The following RNF43 variants were observed in gnomAD, a reference collection of about 807,000 sequenced individuals.
RNF43 encodes E3 ubiquitin-protein ligase RNF43.
RNF43 carries 37 observed loss-of-function variants against 78.4 expected under a neutral mutation model. The observed-to-expected ratio is 0.47, with a 90% confidence interval of 0.36 to 0.62. The LOEUF is 0.62. Ranked by LOEUF, RNF43 falls within the 20% of genes least tolerant of loss-of-function variation. RNF43 has a pLI of 0.00. For synonymous variants in RNF43, 347 were observed against 395.0 expected (o/e 0.88, Z 1.44); for missense variants, 774 against 1,007.9 (o/e 0.77, Z 3.14).
intron 3 of RNF43, among the ~76,000 whole-genome samples, chr17:58,364,417 G>T (rs1972905714): frequency 6.6e-6 from 1 of 152,198 alleles, no homozygotes; most frequent in South Asian, 2.1e-4. Flanking sequence ...TAGCCAACCA[G>T]GCAGAACAGA....
chr17:58,371,108 C>A lies in RNF43; in HGVS notation c.253-75G>T, dbSNP rs1243040231. 2.2e-6 allele frequency: 3 copies of A among 1,387,656 alleles called. No homozygotes were observed. In the South Asian group the frequency reaches 5.2e-5, roughly 24 times the overall value. The allele number at this position is 1,387,656 out of a possible 1,614,324, so 86.0% of individuals were successfully genotyped here. On this transcript the variant is annotated intron_variant, in intron 2 of 9. Transcript: ENST00000407977. ...GAGCTGTGAGAGCCATATACCTCTC[C>A]ATTTTTCTAGGGAGGTACCAGGCAG...
At chr17:58,406,385 A>G (rs1973911405) in intron 2 of RNF43, among the ~76,000 whole-genome samples, 1 of 152,238 alleles carries the variant, frequency 6.6e-6, no homozygotes, top group African/African-American at 2.4e-5. Flanking sequence ...TCTGAGTTCA[A>G]TTCTTCATAT....
At position 58,397,320 on chromosome 17, in the gene RNF43, C is replaced by CAGAA. The variant is rs1340986157; in HGVS notation, c.252+18005_252+18006insTTCT. Among the ~76,000 whole-genome samples the CAGAA allele has an allele frequency of 3.3e-5, 5 of 152,186 alleles. No individual in the cohort carries two copies. The East Asian group carries it at 9.6e-4, about 29-fold the overall frequency. On this transcript the variant is annotated intron_variant, in intron 2 of 9. Coordinates refer to ENST00000407977, the MANE Select transcript of RNF43 (RefSeq NM_017763.6). ...AATTCTACCTAATTCTCAAATACAA[C>CAGAA]TACCAATTATGGAACAGAATATTCT... is the stretch of plus-strand genomic sequence containing the variant.
intron 1 of RNF43, chr17:58,416,772 T>C (rs942808187): frequency 3.3e-5 from 5 of 152,214 alleles, no homozygotes; most frequent in Non-Finnish European, 1.5e-5. Flanking sequence ...CTAGGCACTA[T>C]GAAAATTTGC....
intron 2 of RNF43, among the ~76,000 whole-genome samples, chr17:58,387,912 T>C (rs921553693): frequency 4.6e-5 from 7 of 152,148 alleles, no homozygotes; most frequent in Non-Finnish European, 1.0e-4. Context: ...GGTGGCTTCA[T>C]GGTGCCATAT....
intron 2 of RNF43, among the ~76,000 whole-genome samples, chr17:58,383,247 A>G (rs944034827): frequency 5.3e-5 from 8 of 151,910 alleles, no homozygotes; most frequent in Admixed American, 4.6e-4. Context: ...CCCGTCCTTT[A>G]TTATTTGAAA....
chr17:58,372,445 G>T (rs544120385), intron 2 of RNF43, among the ~76,000 whole-genome samples: 1 of 152,192 alleles, frequency 6.6e-6, no homozygotes, highest in African/African-American at 2.4e-5. Context: ...CAAGAAAAAG[G>T]CTGGGGCATG....
intron 2 of RNF43, among the ~76,000 whole-genome samples, chr17:58,412,988 C>G (rs1974053644): frequency 6.6e-6 from 1 of 152,062 alleles, no homozygotes; most frequent in Non-Finnish European, 1.5e-5. Context: ...TCCAGAATTC[C>G]TCAAAACCGA....
Position 58,371,039 on chromosome 17 carries a change from G to A in RNF43, c.253-6C>T, listed in dbSNP as rs749928841. On this transcript the variant is annotated splice_polypyrimidine_tract_variant and splice_region_variant and intron_variant, in intron 2 of 9. Coordinates refer to ENST00000407977, the MANE Select transcript of RNF43 (RefSeq NM_017763.6). ...CACAGGTACAGCGGGTGGGACTGCAGAGAGAGACAGACTTGGGTTAGGGAG... is the reference window on the plus strand; with the variant it reads ...CACAGGTACAGCGGGTGGGACTGCAAAGAGAGACAGACTTGGGTTAGGGAG... 1.9e-6 allele frequency: 3 copies of A among 1,570,634 alleles called. No individual in the cohort carries two copies. The East Asian group carries it at 6.8e-5, about 35-fold the overall frequency.
intron 2 of RNF43, among the ~76,000 whole-genome samples, chr17:58,378,930 G>C (rs1973259509): frequency 5.3e-5 from 8 of 152,210 alleles, no homozygotes; most frequent in Admixed American, 5.2e-4. Context: ...GAATCCAGTT[G>C]CCACGTAGTT....
At chr17:58,370,022 T>A (rs1369759538) in intron 3 of RNF43, among the ~76,000 whole-genome samples, 1 of 151,274 alleles carries the variant, frequency 6.6e-6, no homozygotes, top group African/African-American at 2.4e-5. Flanking sequence ...TGCAGCAATG[T>A]GCTTTGCAGG....
chr17:58,358,805 T>A lies in RNF43; in HGVS notation c.971A>T (p.Gln324Leu). Residue 324 changes from glutamine to leucine, a missense_variant, in exon 9 of 10, where the codon CAG becomes CTG. By Grantham distance (113) the Gln-to-Leu change is moderately radical. Transcript: ENST00000407977. The surrounding 1 kb of genome is among the most constrained non-coding windows in gnomAD (Gnocchi z 6.2). ...GTAAGATCGAGAGGGTCCCAGGGAC[T>A]GGGAAAATGAATCTCCCTCTGGAAA... is the stretch of plus-strand genomic sequence containing the variant. Reference protein sequence around the residue: ...FNITEGDSFSQSLGPSRSYQE... With the variant: ...FNITEGDSFSLSLGPSRSYQE... 3 of 1,514,976 alleles carry A rather than the reference T, an allele frequency of 2.0e-6. No individual in the cohort carries two copies. Among genetic ancestry groups the A allele is most frequent in the Non-Finnish European group, 2.6e-6 (3 of 1,133,638 alleles). 93.8% of individuals were successfully genotyped at this position (1,514,976 alleles called of 1,614,324 possible). A position where few individuals can be genotyped will look rare whatever the true frequency, so the allele number is the denominator to read the frequency against.
At position 58,389,683 on chromosome 17, in the gene RNF43, T is replaced by A. The variant is rs574668836; in HGVS notation, c.253-18650A>T. 3.3e-5 allele frequency among the ~76,000 whole-genome samples: 5 copies of A among 152,340 alleles called. No individual in the cohort carries two copies. In the South Asian group the frequency reaches 1.0e-3, roughly 32 times the overall value. The stretch of plus-strand genomic sequence containing the variant: ...TTCCCCATAATATTAAATTTACATA[T>A]CACTTCAGTATTAACCAGGGCATTG... On this transcript the variant is annotated intron_variant, in intron 2 of 9. Transcript: ENST00000407977.
At chr17:58,388,888 C>T (rs1260423838) in intron 2 of RNF43, among the ~76,000 whole-genome samples, 1 of 152,152 alleles carries the variant, frequency 6.6e-6, no homozygotes, top group East Asian at 1.9e-4. Context: ...CTCAAGTCTT[C>T]AGGGTACAGG....
chr17:58,413,246 G>T (rs1204203489), intron 2 of RNF43, among the ~76,000 whole-genome samples: 6 of 152,074 alleles, frequency 3.9e-5, no homozygotes, highest in Non-Finnish European at 8.8e-5. Context: ...TCAAAGAATG[G>T]ATAAAGAAAA....
chr17:58,396,372 A>G (rs766026700), intron 2 of RNF43, among the ~76,000 whole-genome samples: 1 of 152,230 alleles, frequency 6.6e-6, no homozygotes, highest in Non-Finnish European at 1.5e-5. Flanking sequence ...GCAACCATTT[A>G]ACAGGAAAAA....
chr17:58,353,722 G>A lies in RNF43; in HGVS notation c.*1221C>T, dbSNP rs1598121705. 1.4e-5 allele frequency: 3 copies of A among 211,508 alleles called. No individual in the cohort carries two copies. In the East Asian group the frequency reaches 2.1e-4, roughly 15 times the overall value. 13.1% of individuals were successfully genotyped at this position (211,508 alleles called of 1,614,324 possible). A position where few individuals can be genotyped will look rare whatever the true frequency, so the allele number is the denominator to read the frequency against. On this transcript the variant is annotated 3_prime_UTR_variant, in exon 10 of 10. Transcript: ENST00000407977. ...AAATAAATATATTTCTTAACATAGTGCCTGATTCAAGCGTCTGTCTGGTTC... is the reference window on the plus strand; with the variant it reads ...AAATAAATATATTTCTTAACATAGTACCTGATTCAAGCGTCTGTCTGGTTC...
intron 2 of RNF43, among the ~76,000 whole-genome samples, chr17:58,413,366 G>T (rs982672554): frequency 2.0e-5 from 3 of 152,040 alleles, no homozygotes; most frequent in Non-Finnish European, 4.4e-5. Flanking sequence ...ACAATAAACC[G>T]AAACCAATAT....
In RNF43 at chr17:58,353,729, T is replaced by A. The variant is rs1972617858; in HGVS notation, c.*1214A>T. On this transcript the variant is annotated 3_prime_UTR_variant, in exon 10 of 10. Coordinates refer to ENST00000407977, the MANE Select transcript of RNF43 (RefSeq NM_017763.6). ...TATATTTCTTAACATAGTGCCTGAT[T>A]CAAGCGTCTGTCTGGTTCAGATATA... 1 of 211,398 alleles carries A rather than the reference T, an allele frequency of 4.7e-6. No homozygotes were observed. Among genetic ancestry groups the A allele is most frequent in the Non-Finnish European group, 9.6e-6 (1 of 103,766 alleles). 13.1% of individuals were successfully genotyped at this position (211,398 alleles called of 1,614,324 possible). A position where few individuals can be genotyped will look rare whatever the true frequency, so the allele number is the denominator to read the frequency against.
Sources: gnomAD v4.1 joint callset for allele counts (sites outside exome capture counted in the v4.1 genomes callset) on GRCh38, gnomAD v4.1.1 for gene constraint, Gnocchi (gnomAD v3.1) non-coding constraint, MANE v1.5 for transcripts, NCBI Gene and HGNC (gene_info 2026-07-23, HGNC 2026-07-21) for gene names.